MBD3L1: variants seen among roughly 807,000 people sequenced by gnomAD.
The protein encoded by MBD3L1 is methyl-CpG-binding domain protein 3-like 1.
For synonymous variants in MBD3L1, 84 were observed against 85.1 expected (o/e 0.99, Z 0.07); for missense variants, 203 against 230.1 (o/e 0.88, Z 0.76).
In MBD3L1 at chr19:8,843,303, T is replaced by TTA; in HGVS notation, c.*40_*41insTA. 7 of 1,404,194 alleles carry TTA rather than the reference T, an allele frequency of 5.0e-6. No homozygotes were observed. The highest frequency in any genetic ancestry group is 5.7e-6 in the Non-Finnish European group (6 of 1,051,748). The allele number at this position is 1,404,194 out of a possible 1,614,324, so 87.0% of individuals were successfully genotyped here. On this transcript the variant is annotated 3_prime_UTR_variant, in exon 3 of 3. Coordinates refer to ENST00000595891, the MANE Select transcript of MBD3L1 (RefSeq NM_001393532.1). The stretch of plus-strand genomic sequence containing the variant: ...ATAGTGCAGATGAAATAAAGTGTAA[T>TTA]CCTTTATTAACATCTCTTTGCAGTG...
intron 2 of MBD3L1, among the ~76,000 whole-genome samples, chr19:8,842,027 A>G (rs2044517385): frequency 6.6e-6 from 1 of 152,144 alleles, no homozygotes; most frequent in Non-Finnish European, 1.5e-5. Flanking sequence ...CAAGTAATGC[A>G]TAAGAATGGC....
intron 1 of MBD3L1, among the ~76,000 whole-genome samples, 175 bp downstream of exon 1, chr19:8,832,697 C>T (rs562558969): frequency 6.7e-6 from 1 of 149,688 alleles, no homozygotes; most frequent in South Asian, 2.1e-4. Context: ...AGGGTCGGGG[C>T]TGTGGGTGGG....
intron 1 of MBD3L1, among the ~76,000 whole-genome samples, chr19:8,839,928 A>G (rs1333570919): frequency 1.3e-5 from 2 of 152,166 alleles, no homozygotes; most frequent in African/African-American, 4.8e-5. Flanking sequence ...GGGCATCTGT[A>G]ATCCCAGCAC....
intron 1 of MBD3L1, among the ~76,000 whole-genome samples, chr19:8,833,987 C>CA (rs869265045): frequency 6.9e-6 from 1 of 144,590 alleles, no homozygotes; most frequent in Non-Finnish European, 1.5e-5. Flanking sequence ...GACTCCATCT[C>CA]AAAAAACAAA....
chr19:8,843,059 T>C lies in MBD3L1; in HGVS notation c.381T>C (p.Asp127=), dbSNP rs770001873. 6.2e-7 allele frequency: 1 copy of C among 1,614,134 alleles called. No homozygotes were observed. The highest frequency in any genetic ancestry group is 2.2e-5 in the East Asian group (1 of 44,876). Residue 127 remains aspartate, a synonymous_variant, in exon 3 of 3, where the codon GAT becomes GAC. Coordinates refer to ENST00000595891, the MANE Select transcript of MBD3L1 (RefSeq NM_001393532.1). ...CPMPHLACSS[D]AVEIIPAEGV... ...TGCCCCACCTTGCCTGCTCTTCAGA[T>C]GCGGTGGAGATAATTCCTGCAGAGG... is the stretch of plus-strand genomic sequence containing the variant.
chr19:8,836,090 GTGAA>G (rs2044452081), intron 1 of MBD3L1, among the ~76,000 whole-genome samples: 2 of 152,166 alleles, frequency 1.3e-5, no homozygotes, highest in Admixed American at 6.5e-5. Context: ...GCGCAACTGT[GTGAA>G]TGTACTAAAA....
chr19:8,839,091 G>C (rs1409788546), intron 1 of MBD3L1, among the ~76,000 whole-genome samples: 1 of 151,628 alleles, frequency 6.6e-6, no homozygotes, highest in Non-Finnish European at 1.5e-5. Flanking sequence ...AATCCAGTTC[G>C]TACTTTCCAC....
chr19:8,836,403 GTCCTCCTCCTTCTTCTTTCTTCTTTCC>G (rs1446853576), intron 1 of MBD3L1, among the ~76,000 whole-genome samples: 4 of 144,126 alleles, frequency 2.8e-5, no homozygotes, highest in Admixed American at 6.9e-5. Flanking sequence ...CCTCCTCCTT[GTCCTCCTCCTTCTTCTTTCTTCTTTCC>G]TCCTCCTCCT....
chr19:8,837,007 A>C (rs563294530), intron 1 of MBD3L1, among the ~76,000 whole-genome samples: 30 of 152,354 alleles, frequency 2.0e-4, no homozygotes, highest in African/African-American at 7.0e-4. Context: ...ACAACTGCCC[A>C]ATACTCTAAT....
At chr19:8,832,789 C>T (rs962504322) in intron 1 of MBD3L1, among the ~76,000 whole-genome samples, 1 of 149,766 alleles carries the variant, frequency 6.7e-6, no homozygotes, top group Non-Finnish European at 1.5e-5. Context: ...TGGAGACCTC[C>T]ATTTCCGGGG....
intron 2 of MBD3L1, among the ~76,000 whole-genome samples, chr19:8,841,312 G>T (rs555657828): frequency 6.6e-6 from 1 of 151,616 alleles, no homozygotes; most frequent in Admixed American, 6.6e-5. Flanking sequence ...GATTACAGGC[G>T]TGGAGCCACC....
At chr19:8,838,544 C>A (rs906128060) in intron 1 of MBD3L1, among the ~76,000 whole-genome samples, 1 of 152,200 alleles carries the variant, frequency 6.6e-6, no homozygotes, top group African/African-American at 2.4e-5. Context: ...TATAGCACCT[C>A]AGCCACAGAT....
intron 1 of MBD3L1, among the ~76,000 whole-genome samples, chr19:8,838,193 A>G (rs2044473775): frequency 7.1e-6 from 1 of 140,680 alleles, no homozygotes. Flanking sequence ...GGTTGCAGTG[A>G]GCCGAGATCG....
intron 1 of MBD3L1, among the ~76,000 whole-genome samples, chr19:8,835,182 G>C (rs2044442371): frequency 6.6e-6 from 1 of 151,926 alleles, no homozygotes; most frequent in African/African-American, 2.4e-5. Context: ...CTCCCAAGTA[G>C]CTGGGACCAC....
chr19:8,839,452 G>A (rs910538511), intron 1 of MBD3L1, among the ~76,000 whole-genome samples: 1 of 151,888 alleles, frequency 6.6e-6, no homozygotes, highest in South Asian at 2.1e-4. Context: ...TGCCCGCCTC[G>A]GCCTCCCAAA....
At position 8,843,246 on chromosome 19, in the gene MBD3L1, C is replaced by T. The variant is rs2972588; in HGVS notation, c.568C>T (p.Arg190Cys). The T allele has an allele frequency of 0.92, 1,456,482 of 1,581,932 alleles. 670,970 individuals carry two copies. The highest frequency in any genetic ancestry group is 0.95 in the Middle Eastern group (5,576 of 5,896). The change falls in exon 3 of 3, where the codon CGT (arginine) becomes TGT (cysteine). Residue 190 changes from arginine (R) to cysteine (C), a missense_variant. By Grantham distance (180) the Arg-to-Cys change is radical (BLOSUM62 -3). Coordinates refer to ENST00000595891, the MANE Select transcript of MBD3L1 (RefSeq NM_001393532.1). Reference sequence around the variant, plus strand: ...AGAGAAAGTGAGAGACCAAGAAGGCCGTCCTGAAAAACGCTAAGAAAAAAA... The same window carrying T: ...AGAGAAAGTGAGAGACCAAGAAGGCTGTCCTGAAAAACGCTAAGAAAAAAA... The part of the protein sequence containing the change: ...EAEKVRDQEG[R>C]PEKR
At chr19:8,836,507 T>A (rs1218872132) in intron 1 of MBD3L1, among the ~76,000 whole-genome samples, 2 of 151,352 alleles carry the variant, frequency 1.3e-5, no homozygotes, top group Non-Finnish European at 3.0e-5. Flanking sequence ...TTCTTTTTTT[T>A]TGGAGACAGG....
chr19:8,842,628 T>C (rs1014638298), intron 2 of MBD3L1, 30 bp from the exon 3 acceptor site: 7 of 1,493,250 alleles, frequency 4.7e-6, no homozygotes, highest in Non-Finnish European at 6.4e-6. Context: ...ATTGATCAAT[T>C]TGACCCCATT....
At chr19:8,835,051 T>G (rs934506400) in intron 1 of MBD3L1, among the ~76,000 whole-genome samples, 3 of 151,876 alleles carry the variant, frequency 2.0e-5, no homozygotes, top group Non-Finnish European at 4.4e-5. Context: ...ACAAAGAGTT[T>G]TTTTTTTTTT....
Sources: gnomAD v4.1 joint callset for allele counts (sites outside exome capture counted in the v4.1 genomes callset) on GRCh38, gnomAD v4.1.1 for gene constraint, MANE v1.5 for transcripts, NCBI Gene and HGNC (gene_info 2026-07-23, HGNC 2026-07-21) for gene names.